RHBDD2: variants seen among roughly 807,000 people sequenced by gnomAD.
RHBDD2 encodes the protein rhomboid domain-containing protein 2.
A neutral mutation model predicts 21.7 loss-of-function variants in RHBDD2; 13 were observed. The ratio of observed to expected loss-of-function variants is 0.60; its 90% CI spans 0.39 to 0.95. The LOEUF (loss-of-function observed/expected upper bound fraction) is 0.95, where lower values mean the gene tolerates loss of function less well. Among genes scored for constraint, RHBDD2 ranks in the 40% least tolerant of loss-of-function variants. The probability of loss-of-function intolerance (pLI) is 0.00; values close to 1 mark genes in which losing one functional copy is unlikely to be tolerated. For missense variants in RHBDD2, 473 were observed against 478.9 expected (o/e 0.99, Z 0.11); for synonymous variants, 225 against 220.0 (o/e 1.02, Z -0.20).
rs1805502125 is a variant in RHBDD2 at position 75,883,996 on chromosome 7, GAT to G, written c.737+149_737+150del. On this transcript the variant is annotated intron_variant, in intron 3 of 3. Coordinates refer to ENST00000006777, the MANE Select transcript of RHBDD2 (RefSeq NM_001040456.3). ...TGCAACCTCTGCTTCAGGTTCAAGT[GAT>G]TCTTCTGCCTCAGTCTCCTCAGTGT... is the stretch of plus-strand genomic sequence containing the variant. 1.1e-5 allele frequency: 6 copies of G among 566,240 alleles called. No homozygotes were observed. In the South Asian group the frequency reaches 1.4e-4, roughly 13 times the overall value. 35.1% of individuals were successfully genotyped at this position (566,240 alleles called of 1,614,324 possible).
At position 75,888,659 on chromosome 7, in the gene RHBDD2, G is replaced by A. The variant is rs552215667; in HGVS notation, c.*310G>A. 6 of 377,304 alleles carry A rather than the reference G, an allele frequency of 1.6e-5. No individual in the cohort carries two copies. In the East Asian group the frequency reaches 2.0e-4, roughly 13 times the overall value. 23.4% of individuals were successfully genotyped at this position (377,304 alleles called of 1,614,324 possible). A position where few individuals can be genotyped will look rare whatever the true frequency, so the allele number is the denominator to read the frequency against. The stretch of plus-strand genomic sequence containing the variant: ...AGGGCAGCAGTTGGCAGTAGCTGCC[G>A]ATGTCTGTCCCCAGCTCCACCATTC... On this transcript the variant is annotated 3_prime_UTR_variant, in exon 4 of 4. Transcript: ENST00000006777.
rs564173242 is a variant in RHBDD2, at chr7:75,879,272, C to G, written c.178+12C>G. 1.4e-6 allele frequency: 2 copies of G among 1,471,716 alleles called. No individual in the cohort carries two copies. Among genetic ancestry groups the G allele is most frequent in the Non-Finnish European group, 1.8e-6 (2 of 1,110,680 alleles). 91.2% of individuals were successfully genotyped at this position (1,471,716 alleles called of 1,614,324 possible). A position where few individuals can be genotyped will look rare whatever the true frequency, so the allele number is the denominator to read the frequency against. On this transcript the variant is annotated intron_variant, in intron 1 of 3. Transcript: ENST00000006777. Reference sequence around the variant, plus strand: ...TCGCAACTGGCAAGGTGAGCAGGGGCGGGCCGGGATCGCGGGGCGAGTCCT... The same window carrying G: ...TCGCAACTGGCAAGGTGAGCAGGGGGGGGCCGGGATCGCGGGGCGAGTCCT...
intron 3 of RHBDD2, among the ~76,000 whole-genome samples, chr7:75,884,972 A>G (rs1554543486): frequency 1.3e-5 from 2 of 151,794 alleles, no homozygotes; most frequent in Non-Finnish European, 2.9e-5. Context: ...AAATTATCCA[A>G]GCGTGGTGGT....
rs1805820464 is a variant in RHBDD2 at position 75,888,340 on chromosome 7, C to T, written c.1086C>T (p.Pro362=). ...GCTCCAAGGAGTCCTCCAGGGTCCC[C>T]ATGCCCTGAGAGAATTTCTAGGGAA... ...AAGSKESSRV[P]MP Residue 362 remains proline (P), a synonymous_variant, in exon 4 of 4, where the codon CCC becomes CCT. Transcript: ENST00000006777. 4 of 1,608,446 alleles carry T rather than the reference C, an allele frequency of 2.5e-6. No individual in the cohort carries two copies. The highest frequency in any genetic ancestry group is 1.3e-5 in the African/African-American group (1 of 74,900).
chr7:75,888,166 C>G lies in RHBDD2; in HGVS notation c.912C>G (p.Cys304Trp). Reference sequence around the variant, plus strand: ...CGTACCAGCCTGCCTCCGGCCTGTGCTATGTGCAGAACCACTTTGGTCCAA... The same window carrying G: ...CGTACCAGCCTGCCTCCGGCCTGTGGTATGTGCAGAACCACTTTGGTCCAA... ...LPPYQPASGL[C>W]YVQNHFGPNP... Residue 304 changes from cysteine (C) to tryptophan (W), a missense_variant, in exon 4 of 4, where the codon TGC (cysteine) becomes TGG (tryptophan). Cys to Trp is a radical substitution (Grantham distance 215). Coordinates refer to ENST00000006777, the MANE Select transcript of RHBDD2 (RefSeq NM_001040456.3). 1 of 1,613,892 alleles carries G rather than the reference C, an allele frequency of 6.2e-7. No homozygotes were observed.
At chr7:75,883,622 A>C in intron 2 of RHBDD2, 76 bp from the exon 3 acceptor site, 4 of 1,276,414 alleles carry the variant, frequency 3.1e-6, no homozygotes, top group Non-Finnish European at 4.5e-6. Flanking sequence ...GTGAGTGGGA[A>C]CCTGTGTTCT....
Position 75,881,933 on chromosome 7 carries a change from G to T in RHBDD2, c.283G>T (p.Gly95Cys). The part of the protein sequence containing the change: ...RFAGNFERTV[G>C]TVRHCFFTVI... The stretch of plus-strand genomic sequence containing the variant: ...TGCTGGCAATTTCGAGAGAACCGTG[G>T]GCACCGTCCGCCACTGCTTCTTCAC... Residue 95 changes from glycine (G) to cysteine (C), a missense_variant, in exon 2 of 4, where the codon GGC becomes TGC. By Grantham distance (159) the Gly-to-Cys change is radical (BLOSUM62 -3). Transcript: ENST00000006777. The T allele has an allele frequency of 1.2e-6, 2 of 1,614,196 alleles. No individual in the cohort carries two copies. The highest frequency in any genetic ancestry group is 1.7e-6 in the Non-Finnish European group (2 of 1,180,040).
intron 2 of RHBDD2, 171 bp from the exon 3 acceptor site, chr7:75,883,527 A>T: frequency 1.8e-6 from 1 of 571,042 alleles, no homozygotes; most frequent in Non-Finnish European, 3.1e-6. Flanking sequence ...TCAAAAAAAA[A>T]AACAAACCTT....
chr7:75,882,575 G>A (rs571722222), intron 2 of RHBDD2, among the ~76,000 whole-genome samples: 2 of 152,158 alleles, frequency 1.3e-5, no homozygotes, highest in East Asian at 3.9e-4. Flanking sequence ...TCTACCCACC[G>A]TGGCCTCCCA....
At chr7:75,880,524 T>A (rs1191784313) in intron 1 of RHBDD2, among the ~76,000 whole-genome samples, 1 of 152,116 alleles carries the variant, frequency 6.6e-6, no homozygotes, top group East Asian at 1.9e-4. Context: ...TCAATCTAAC[T>A]CTTGTTACTT....
At chr7:75,880,027 G>C (rs1805226333) in intron 1 of RHBDD2, among the ~76,000 whole-genome samples, 3 of 152,140 alleles carry the variant, frequency 2.0e-5, no homozygotes, top group South Asian at 4.1e-4. Flanking sequence ...ACCCTCACAA[G>C]GATCCCATGA....
chr7:75,881,882 T>C lies in RHBDD2; in HGVS notation c.232T>C (p.Cys78Arg). ...FVYENPISLL[C>R]GAIIIWRFAG... The stretch of plus-strand genomic sequence containing the variant: ...CTACGAGAATCCCATCTCCCTGCTC[T>C]GCGGCGCTATCATCATCTGGCGCTT... The change falls in exon 2 of 4, where the codon TGC becomes CGC. Residue 78 changes from cysteine to arginine, a missense_variant. Transcript: ENST00000006777. 1 of 1,614,048 alleles carries C rather than the reference T, an allele frequency of 6.2e-7. No homozygotes were observed. The highest frequency in any genetic ancestry group is 1.3e-5 in the African/African-American group (1 of 75,074).
In RHBDD2 at chr7:75,881,908, T is replaced by C; in HGVS notation, c.258T>C (p.Phe86=). ...GCGGCGCTATCATCATCTGGCGCTT[T>C]GCTGGCAATTTCGAGAGAACCGTGG... The part of the protein sequence containing the change: ...LLCGAIIIWR[F]AGNFERTVGT... Residue 86 remains phenylalanine (F), a synonymous_variant, in exon 2 of 4, where the codon TTT becomes TTC. Coordinates refer to ENST00000006777, the MANE Select transcript of RHBDD2 (RefSeq NM_001040456.3). 6.2e-7 allele frequency: 1 copy of C among 1,614,272 alleles called. No homozygotes were observed. Among genetic ancestry groups the C allele is most frequent in the South Asian group, 1.1e-5 (1 of 91,092 alleles).
At chr7:75,887,383 T>C (rs1805743851) in intron 3 of RHBDD2, among the ~76,000 whole-genome samples, 1 of 150,802 alleles carries the variant, frequency 6.6e-6, no homozygotes, top group South Asian at 2.1e-4. Flanking sequence ...AGTGGCACAA[T>C]CTTGGCTCAC....
chr7:75,881,181 T>G (rs1235721554), intron 1 of RHBDD2, among the ~76,000 whole-genome samples: 1 of 152,014 alleles, frequency 6.6e-6, no homozygotes, highest in African/African-American at 2.4e-5. Flanking sequence ...AATAAAAATT[T>G]AAAAAAAGGA....
chr7:75,881,496 T>A, intron 1 of RHBDD2: 1 of 1,307,026 alleles, frequency 7.7e-7, no homozygotes, highest in Non-Finnish European at 1.0e-6. Context: ...GGTAGGTCAG[T>A]ATGAAAACCT....
At chr7:75,887,132 T>C (rs550034142) in intron 3 of RHBDD2, among the ~76,000 whole-genome samples, 4 of 144,544 alleles carry the variant, frequency 2.8e-5, no homozygotes, top group African/African-American at 7.8e-5. Flanking sequence ...TGTTGATAGA[T>C]AATTTTTTTT....
intron 3 of RHBDD2, among the ~76,000 whole-genome samples, chr7:75,886,551 A>G (rs1805683285): frequency 6.6e-6 from 1 of 152,112 alleles, no homozygotes; most frequent in South Asian, 2.1e-4. Context: ...GCGGTGGCTC[A>G]CACCTGTAAT....
rs1277926646 is a variant in RHBDD2 at position 75,879,126 on chromosome 7, C to T, written c.44C>T (p.Pro15Leu). 3 of 1,430,514 alleles carry T rather than the reference C, an allele frequency of 2.1e-6. No homozygotes were observed. Among genetic ancestry groups the T allele is most frequent in the African/African-American group, 1.5e-5 (1 of 67,062 alleles). 88.6% of individuals were successfully genotyped at this position (1,430,514 alleles called of 1,614,324 possible). The change falls in exon 1 of 4, where the codon CCC becomes CTC. Residue 15 changes from proline to leucine, a missense_variant. By Grantham distance (98) the Pro-to-Leu change is moderately conservative (BLOSUM62 -3). Transcript: ENST00000006777. Reference protein sequence around the residue: ...GPGCRSWCLCPEVPSATFFTA... With the variant: ...GPGCRSWCLCLEVPSATFFTA... ...GGGTGTCGCAGCTGGTGCTTGTGTC[C>T]CGAGGTGCCATCCGCCACCTTCTTC... is the stretch of plus-strand genomic sequence containing the variant.
Sources: gnomAD v4.1 joint callset for allele counts (sites outside exome capture counted in the v4.1 genomes callset) on GRCh38, gnomAD v4.1.1 for gene constraint, MANE v1.5 for transcripts, NCBI Gene and HGNC (gene_info 2026-07-23, HGNC 2026-07-21) for gene names.